FOXP1: variants seen among roughly 807,000 people sequenced by gnomAD.
FOXP1 encodes the protein forkhead box protein P1.
In FOXP1, 15 loss-of-function variants were observed where a neutral mutation model predicts 98.2. The observed-to-expected ratio is 0.15, with a 90% CI of 0.10 to 0.24. The LOEUF (loss-of-function observed/expected upper bound fraction) is 0.24, where lower values mean the gene tolerates loss of function less well. FOXP1 is among the 10% of genes least tolerant of loss of function. FOXP1 has a pLI of 1.00. For synonymous variants in FOXP1, 371 were observed against 314.5 expected, an observed-to-expected ratio of 1.18 and a Z score of -1.90; for missense variants, 633 against 848.5, an observed-to-expected ratio of 0.75 and a Z score of 3.15.
chr3:71,307,001 C>G (rs1376827387), intron 4 of FOXP1, among the ~76,000 whole-genome samples: 1 of 152,196 alleles, frequency 6.6e-6, no homozygotes, highest in Admixed American at 6.5e-5. Context: ...GGAATCAACT[C>G]ACACTGACCT....
chr3:71,422,296 C>G (rs2083718753), intron 3 of FOXP1, among the ~76,000 whole-genome samples: 1 of 152,240 alleles, frequency 6.6e-6, no homozygotes, highest in African/African-American at 2.4e-5. Context: ...CTTTTCACTC[C>G]TATTAGAAAA....
chr3:71,200,348 T>A (rs1233902460), intron 5 of FOXP1, among the ~76,000 whole-genome samples: 1 of 152,196 alleles, frequency 6.6e-6, no homozygotes, highest in Non-Finnish European at 1.5e-5. Context: ...CTGCTGATGA[T>A]TGTTACCCCC....
rs575114834 is a variant in FOXP1 at position 71,264,631 on chromosome 3, G to C, written c.-12+35189C>G. On this transcript the variant is annotated intron_variant, in intron 5 of 20. Coordinates refer to ENST00000649528, the MANE Select transcript of FOXP1 (RefSeq NM_001349338.3). ...GGCTGGTTTGCTGAGCACTATATTA[G>C]AGGGTCAGGGAGGTTCCCAGCATCC... 7.9e-5 allele frequency among the ~76,000 whole-genome samples: 12 copies of C among 152,260 alleles called. No homozygotes were observed. The East Asian group carries it at 1.9e-3, about 24-fold the overall frequency.
intron 2 of FOXP1, among the ~76,000 whole-genome samples, chr3:71,494,053 C>A (rs1035132757): frequency 6.6e-6 from 1 of 152,066 alleles, no homozygotes; most frequent in African/African-American, 2.4e-5. Context: ...CAAAATAATT[C>A]TATTTTATTC....
At chr3:71,029,092 T>C (rs1273983795) in intron 11 of FOXP1, among the ~76,000 whole-genome samples, 4 of 152,126 alleles carry the variant, frequency 2.6e-5, no homozygotes, top group Admixed American at 2.0e-4. Flanking sequence ...TGAACTGGGG[T>C]TTGGGGACCC....
At chr3:71,305,842 A>G (rs1166800479) in intron 4 of FOXP1, 1 of 152,628 alleles carries the variant, frequency 6.6e-6, no homozygotes, top group Non-Finnish European at 1.5e-5. Flanking sequence ...AGTAAAATGA[A>G]ACAAAAGTGT....
At chr3:71,229,276 C>G (rs2066092807) in intron 5 of FOXP1, among the ~76,000 whole-genome samples, 3 of 152,090 alleles carry the variant, frequency 2.0e-5, no homozygotes, top group Non-Finnish European at 4.4e-5. Context: ...AGTAAGTGTA[C>G]TTAAAGTACT....
chr3:71,207,777 C>G (rs937513381), intron 5 of FOXP1, among the ~76,000 whole-genome samples: 1 of 152,146 alleles, frequency 6.6e-6, no homozygotes, highest in Non-Finnish European at 1.5e-5. Flanking sequence ...TGAGAGTTTT[C>G]TCTACTGTTT....
chr3:71,323,058 C>A (rs747725760), intron 4 of FOXP1, among the ~76,000 whole-genome samples: 1 of 151,648 alleles, frequency 6.6e-6, no homozygotes, highest in Non-Finnish European at 1.5e-5. Flanking sequence ...GCAACCTCCA[C>A]CTCCCAAGTT....
chr3:71,262,268 A>C (rs1462231973), intron 5 of FOXP1, among the ~76,000 whole-genome samples: 2 of 72,334 alleles, frequency 2.8e-5, no homozygotes, highest in Non-Finnish European at 4.8e-5. Flanking sequence ...CTGTCACAAA[A>C]AAAAAAAAAA....
chr3:71,055,891 T>G (rs892088698), intron 7 of FOXP1, among the ~76,000 whole-genome samples: 5 of 152,164 alleles, frequency 3.3e-5, no homozygotes, highest in Non-Finnish European at 7.3e-5. Flanking sequence ...CTGATGGTGA[T>G]GAACAGGAAA....
chr3:71,416,405 G>A (rs1482635744), intron 3 of FOXP1, among the ~76,000 whole-genome samples: 1 of 151,992 alleles, frequency 6.6e-6, no homozygotes, highest in Non-Finnish European at 1.5e-5. Flanking sequence ...TGCCAGGTAT[G>A]GTGGTGTACA....
chr3:71,047,837 G>T (rs181935824), intron 9 of FOXP1, among the ~76,000 whole-genome samples: 1 of 152,280 alleles, frequency 6.6e-6, no homozygotes, highest in Admixed American at 6.5e-5. Flanking sequence ...AAAAGAAGGG[G>T]CTTTACGATA....
chr3:70,957,663 T>C lies in FOXP1; in HGVS notation c.*1584A>G. On this transcript the variant is annotated 3_prime_UTR_variant, in exon 21 of 21. Coordinates refer to ENST00000649528, the MANE Select transcript of FOXP1 (RefSeq NM_001349338.3). Reference sequence around the variant, plus strand: ...GGAGGGGTTCTAAGGACTGAGGTTGTACTGACCTGTAACCATCACATTTCT... The same window carrying C: ...GGAGGGGTTCTAAGGACTGAGGTTGCACTGACCTGTAACCATCACATTTCT... 1 of 233,328 alleles carries C rather than the reference T, an allele frequency of 4.3e-6. No individual in the cohort carries two copies. Among genetic ancestry groups the C allele is most frequent in the East Asian group, 6.0e-5 (1 of 16,546 alleles). The allele number at this position is 233,328 out of a possible 1,614,324, so 14.5% of individuals were successfully genotyped here.
intron 6 of FOXP1, among the ~76,000 whole-genome samples, chr3:71,189,975 C>T (rs866895767): frequency 2.6e-5 from 4 of 152,232 alleles, no homozygotes; most frequent in Non-Finnish European, 4.4e-5. Flanking sequence ...ACTGGGGCCA[C>T]GTTAGTGGCC....
chr3:71,273,591 ATCCGAGAACAAAGTT>A (rs1338551156), intron 5 of FOXP1, among the ~76,000 whole-genome samples: 3 of 152,286 alleles, frequency 2.0e-5, no homozygotes, highest in Admixed American at 6.5e-5. Flanking sequence ...TTATTTCAGT[ATCCGAGAACAAAGTT>A]TCTGATGACA....
At chr3:71,548,442 G>A (rs1040652666) in intron 2 of FOXP1, among the ~76,000 whole-genome samples, 4 of 152,002 alleles carry the variant, frequency 2.6e-5, no homozygotes, top group Admixed American at 6.5e-5. Flanking sequence ...GTCTTGTACC[G>A]TCACCCAGGC....
At chr3:71,475,752 G>A (rs2106764165) in intron 3 of FOXP1, among the ~76,000 whole-genome samples, 1 of 152,288 alleles carries the variant, frequency 6.6e-6, no homozygotes, top group East Asian at 1.9e-4. Context: ...TGAAGTAGGA[G>A]AATCGATTGA....
intron 5 of FOXP1, among the ~76,000 whole-genome samples, chr3:71,222,971 A>C (rs1045870185): frequency 4.6e-5 from 7 of 152,104 alleles, no homozygotes; most frequent in African/African-American, 9.7e-5. Context: ...GGCAATTCTT[A>C]ATCTTATATA....
Sources: allele counts gnomAD v4.1 joint callset (sites outside exome capture counted in the v4.1 genomes callset), GRCh38; gene constraint gnomAD v4.1.1; transcripts MANE v1.5; gene names NCBI Gene and HGNC (gene_info 2026-07-23, HGNC 2026-07-21).